Variants in PAX7 observed in about 807,000 individuals in gnomAD.
The protein encoded by PAX7 is paired box protein Pax-7.
In PAX7, 18 loss-of-function variants were observed where a neutral mutation model predicts 50.7. The observed-to-expected ratio is 0.36, with a 90% confidence interval of 0.25 to 0.53. The LOEUF is 0.53. Among genes scored for constraint, PAX7 ranks in the 20% least tolerant of loss-of-function variants. The pLI is 0.93. For missense variants in PAX7, 644 were observed against 702.9 expected (o/e 0.92, Z 0.95); for synonymous variants, 310 against 290.4 (o/e 1.07, Z -0.69).
At chr1:18,682,707 C>T (rs2088916865) in intron 4 of PAX7, among the ~76,000 whole-genome samples, 2 of 152,170 alleles carry the variant, frequency 1.3e-5, no homozygotes, top group South Asian at 4.1e-4. Flanking sequence ...GGTCCAAGGG[C>T]TGGAGATAAT....
chr1:18,731,727 C>T (rs569549485), intron 7 of PAX7, among the ~76,000 whole-genome samples: 83 of 152,188 alleles, frequency 5.5e-4, no homozygotes, highest in Non-Finnish European at 8.4e-4. Context: ...AGAGAGTAAG[C>T]AGTGGCAGCA....
At chr1:18,661,700 C>T (rs1264068164) in intron 4 of PAX7, among the ~76,000 whole-genome samples, 2 of 152,260 alleles carry the variant, frequency 1.3e-5, no homozygotes, top group African/African-American at 4.8e-5. Flanking sequence ...CCCATGCTGG[C>T]TTTCTGGCTG....
At chr1:18,717,598 G>A (rs2089444216) in intron 7 of PAX7, among the ~76,000 whole-genome samples, 1 of 152,152 alleles carries the variant, frequency 6.6e-6, no homozygotes, top group Non-Finnish European at 1.5e-5. Flanking sequence ...ATTCCCCTGG[G>A]TAGCAGCTTT....
intron 4 of PAX7, among the ~76,000 whole-genome samples, chr1:18,674,486 C>G (rs988884751): frequency 5.9e-5 from 9 of 152,048 alleles, no homozygotes; most frequent in African/African-American, 1.7e-4. Context: ...GAGTTCAGAG[C>G]CCGGAGCAGG....
In PAX7 at chr1:18,735,778, C is replaced by T. The variant is rs146763357; in HGVS notation, c.1302C>T (p.Asp434=). The T allele has an allele frequency of 2.5e-6, 4 of 1,614,170 alleles. No individual in the cohort carries two copies. Among genetic ancestry groups the T allele is most frequent in the African/African-American group, 1.3e-5 (1 of 75,060 alleles). The change falls in exon 8 of 9, where the codon GAC becomes GAT. Residue 434 remains aspartate, a synonymous_variant. Transcript: ENST00000420770. This position sits in a 1 kb window ranked among gnomAD's most constrained non-coding sequence, Gnocchi z 4.0. ...SQRADSIKPG[D]SLPTSQAYCP... ...GGGCCGACTCCATCAAGCCAGGAGA[C>T]AGCCTGCCCACCTCCCAGGCCTACT...
intron 4 of PAX7, among the ~76,000 whole-genome samples, chr1:18,650,461 A>G (rs2088413880): frequency 6.6e-6 from 1 of 151,892 alleles, no homozygotes; most frequent in Non-Finnish European, 1.5e-5. Flanking sequence ...TGCTGGAAGG[A>G]GGATTCAATG....
intron 7 of PAX7, among the ~76,000 whole-genome samples, chr1:18,705,061 G>A (rs12035204): frequency 0.15 from 22,211 of 152,150 alleles, 1,965 homozygotes; most frequent in Admixed American, 0.28. Context: ...CTCAGGGTCC[G>A]CAGTATGAAG....
intron 7 of PAX7, among the ~76,000 whole-genome samples, chr1:18,716,962 A>C (rs1343774569): frequency 2.2e-5 from 2 of 92,254 alleles, no homozygotes; most frequent in Non-Finnish European, 4.2e-5. Context: ...ACCCAAGTCC[A>C]GGGCGGGGGT....
At chr1:18,709,652 G>A (rs549945521) in intron 7 of PAX7, among the ~76,000 whole-genome samples, 1 of 152,298 alleles carries the variant, frequency 6.6e-6, no homozygotes, top group Admixed American at 6.5e-5. Flanking sequence ...TTTTACAGAT[G>A]AGGAAACCTT....
At chr1:18,716,381 G>GC (rs2089420366) in intron 7 of PAX7, among the ~76,000 whole-genome samples, 1 of 151,760 alleles carries the variant, frequency 6.6e-6, no homozygotes, top group African/African-American at 2.4e-5. Flanking sequence ...CCACCCCTCA[G>GC]CCCAGCCAGG....
chr1:18,705,037 A>G (rs1369874759), intron 7 of PAX7, among the ~76,000 whole-genome samples: 2 of 152,116 alleles, frequency 1.3e-5, no homozygotes. Context: ...CCTAATGGTG[A>G]CGTATCAAGC....
At chr1:18,676,511 G>C (rs2088824067) in intron 4 of PAX7, among the ~76,000 whole-genome samples, 1 of 150,354 alleles carries the variant, frequency 6.7e-6, no homozygotes, top group Non-Finnish European at 1.5e-5. Flanking sequence ...GGGGAGGGGA[G>C]GGGAAGTTGG....
intron 4 of PAX7, among the ~76,000 whole-genome samples, chr1:18,641,463 G>A (rs1427634736): frequency 6.6e-6 from 1 of 152,194 alleles, no homozygotes; most frequent in Non-Finnish European, 1.5e-5. Flanking sequence ...ATTGAGTGAG[G>A]TTCCCGTGCT....
rs56860545 is a variant in PAX7 at position 18,745,440 on chromosome 1, A to T, written c.*511A>T. 2,228 of 234,656 alleles carry T rather than the reference A, an allele frequency of 9.5e-3. 49 individuals are homozygous for T. The highest frequency in any genetic ancestry group is 0.045 in the African/African-American group (2,051 of 45,316). The allele number at this position is 234,656 out of a possible 1,614,324, so 14.5% of individuals were successfully genotyped here. On this transcript the variant is annotated 3_prime_UTR_variant, in exon 9 of 9. Transcript: ENST00000420770. ...GAACCACAGCCCTTTCCTCCTCTAG[A>T]CATTGGGACTCCAGCAAAGAGGGGA...
At chr1:18,639,465 C>T (rs2088213973) in intron 4 of PAX7, among the ~76,000 whole-genome samples, 1 of 151,634 alleles carries the variant, frequency 6.6e-6, no homozygotes, top group Admixed American at 6.6e-5. Context: ...ATTCTCAGAC[C>T]GTTGCCGATA....
Position 18,735,011 on chromosome 1 carries a change from C to G in PAX7, c.1156-621C>G, listed in dbSNP as rs2089692601. Among the ~76,000 whole-genome samples the G allele has an allele frequency of 6.6e-6, 1 of 152,174 alleles. No homozygotes were observed. The highest frequency in any genetic ancestry group is 2.1e-4 in the South Asian group (1 of 4,824). ...GCCAGGCAGGGAAGGAGGGGATGCT[C>G]ACAGACCTCAGGAGCTGGTAGAATC... On this transcript the variant is annotated intron_variant, in intron 7 of 8. Coordinates refer to ENST00000420770, the MANE Select transcript of PAX7 (RefSeq NM_001135254.2). This position sits in a 1 kb window ranked among gnomAD's most constrained non-coding sequence, Gnocchi z 4.0.
At chr1:18,710,546 A>G (rs1490213762) in intron 7 of PAX7, among the ~76,000 whole-genome samples, 1 of 152,028 alleles carries the variant, frequency 6.6e-6, no homozygotes, top group Non-Finnish European at 1.5e-5. Flanking sequence ...AATAGCCCAG[A>G]ATTTAAAAAA....
At chr1:18,655,629 G>A (rs902039566) in intron 4 of PAX7, among the ~76,000 whole-genome samples, 13 of 152,184 alleles carry the variant, frequency 8.5e-5, no homozygotes, top group South Asian at 2.1e-4. Flanking sequence ...GAAGTCTGGC[G>A]GCCTCCGCTA....
rs79437989 is a variant in PAX7, at chr1:18,746,825, C to T, written c.*1896C>T. The T allele has an allele frequency of 3.3e-3, 760 of 231,152 alleles. 9 individuals carry two copies. The highest frequency in any genetic ancestry group is 2.9e-3 in the Non-Finnish European group (340 of 116,684). The allele number at this position is 231,152 out of a possible 1,614,324, so 14.3% of individuals were successfully genotyped here. On this transcript the variant is annotated 3_prime_UTR_variant, in exon 9 of 9. Transcript: ENST00000420770. ...ACCTGTTTCTCATCTTCAGACTTGGCGATATCAAGCCTGTTCTGGACCATG... is the reference window on the plus strand; with the variant it reads ...ACCTGTTTCTCATCTTCAGACTTGGTGATATCAAGCCTGTTCTGGACCATG...
Sources: gnomAD v4.1 joint callset for allele counts (sites outside exome capture counted in the v4.1 genomes callset) on GRCh38, gnomAD v4.1.1 for gene constraint, Gnocchi (gnomAD v3.1) non-coding constraint, MANE v1.5 for transcripts, NCBI Gene and HGNC (gene_info 2026-07-23, HGNC 2026-07-21) for gene names.